Variants in NAV3 observed in about 807,000 individuals in gnomAD.
NAV3 encodes the protein pore membrane and/or filament interacting like protein 1.
A neutral mutation model predicts 244.7 loss-of-function variants in NAV3; 87 were observed. The observed-to-expected ratio is 0.36, with a 90% CI of 0.30 to 0.42. NAV3 has a LOEUF of 0.42. NAV3 is among the 20% of genes least tolerant of loss of function. The pLI, the probability that NAV3 is intolerant of heterozygous loss-of-function variation, is 1.00. For synonymous variants in NAV3, 1,126 were observed against 1,042.2 expected, an observed-to-expected ratio of 1.08 and a Z score of -1.55; for missense variants, 2,663 against 2,893.3, an observed-to-expected ratio of 0.92 and a Z score of 1.83.
At chr12:78,169,617 TA>T (rs1366913114) in intron 24 of NAV3, among the ~76,000 whole-genome samples, 1 of 151,712 alleles carries the variant, frequency 6.6e-6, no homozygotes, top group Non-Finnish European at 1.5e-5. Context: ...AATGCCTTAT[TA>T]TCTCTCTTTT....
intron 2 of NAV3, among the ~76,000 whole-genome samples, chr12:77,602,210 G>A (rs1870465979): frequency 6.6e-6 from 1 of 151,880 alleles, no homozygotes; most frequent in South Asian, 2.1e-4. Flanking sequence ...GGGAATTATA[G>A]TCTCCAGTCT....
Position 78,115,092 on chromosome 12 carries a change from G to A in NAV3, c.2637-1680G>A, listed in dbSNP as rs572044096. Among the ~76,000 whole-genome samples, 28 of 152,226 alleles carry A rather than the reference G, an allele frequency of 1.8e-4. No individual in the cohort carries two copies. The South Asian group carries it at 5.4e-3, about 29-fold the overall frequency. On this transcript the variant is annotated intron_variant, in intron 12 of 39. Coordinates refer to ENST00000397909, the MANE Select transcript of NAV3 (RefSeq NM_001024383.2). ...GTACATATATGATGTAGCTCTTAAA[G>A]TACATATAGAAGAGCAGATAAAGTA...
chr12:78,171,556 G>T (rs569266258), intron 24 of NAV3, among the ~76,000 whole-genome samples: 1 of 151,330 alleles, frequency 6.6e-6, no homozygotes, highest in African/African-American at 2.4e-5. Flanking sequence ...TGGTTATAAA[G>T]GTTTGAATAT....
At chr12:77,832,732 T>C (rs1272351085) in intron 1 of NAV3, among the ~76,000 whole-genome samples, 2 of 152,132 alleles carry the variant, frequency 1.3e-5, no homozygotes, top group Admixed American at 1.3e-4. Context: ...ATTCATTCTA[T>C]CTAAATGTAT....
chr12:78,128,923 G>T, intron 18 of NAV3, 57 bp downstream of exon 18: 1 of 1,519,720 alleles, frequency 6.6e-7, no homozygotes. Context: ...CACTCTCACA[G>T]AAACCCTGGA....
At chr12:77,733,966 G>A (rs1877230583) in intron 2 of NAV3, among the ~76,000 whole-genome samples, 1 of 150,926 alleles carries the variant, frequency 6.6e-6, no homozygotes, top group Non-Finnish European at 1.5e-5. Flanking sequence ...AGGAGACAAA[G>A]CAAGGAAAGG....
chr12:78,010,359 T>C (rs973561576), intron 8 of NAV3, among the ~76,000 whole-genome samples: 1 of 152,206 alleles, frequency 6.6e-6, no homozygotes, highest in Non-Finnish European at 1.5e-5. Context: ...TTTGATGAGA[T>C]AAGACTAATA....
intron 2 of NAV3, among the ~76,000 whole-genome samples, chr12:77,685,506 C>CACACACACACACACAT (rs34407806): frequency 5.3e-4 from 80 of 150,722 alleles, no homozygotes; most frequent in East Asian, 2.7e-3. Flanking sequence ...CACACACACA[C>CACACACACACACACAT]ATACCCACAC....
intron 5 of NAV3, among the ~76,000 whole-genome samples, chr12:77,972,422 G>T (rs1049323490): frequency 6.6e-6 from 1 of 152,184 alleles, no homozygotes; most frequent in East Asian, 1.9e-4. Context: ...AAATATATTT[G>T]ATATGAAAAT....
At chr12:77,697,429 C>T (rs111541478) in intron 2 of NAV3, among the ~76,000 whole-genome samples, 10 of 152,176 alleles carry the variant, frequency 6.6e-5, no homozygotes, top group African/African-American at 2.4e-4. Flanking sequence ...TGAGCTATAA[C>T]CATAAGCAAG....
upstream of NAV3, among the ~76,000 whole-genome samples, chr12:77,830,211 G>C (rs1277674929): frequency 6.6e-6 from 1 of 152,142 alleles, no homozygotes; most frequent in Admixed American, 6.5e-5. Flanking sequence ...TATCTGTTTG[G>C]ACAGTTTTTA....
rs1257181705 is a variant in NAV3, at chr12:78,056,958, A to C, written c.2517-2038A>C. 3.3e-5 allele frequency among the ~76,000 whole-genome samples: 5 copies of C among 152,252 alleles called. No individual in the cohort carries two copies. The East Asian group carries it at 9.7e-4, about 29-fold the overall frequency. ...TTTTTTTCCATGTACTCTAGGTGTA[A>C]CTCAGAAAGTTAGTTAATCAGCATT... On this transcript the variant is annotated intron_variant, in intron 11 of 39. Transcript: ENST00000397909.
At chr12:77,611,191 T>A (rs891342586) in intron 2 of NAV3, among the ~76,000 whole-genome samples, 1 of 151,998 alleles carries the variant, frequency 6.6e-6, no homozygotes, top group African/African-American at 2.4e-5. Context: ...TAGGGCACTC[T>A]GTAAGTCAGT....
In NAV3 at chr12:77,966,265, G is replaced by A; in HGVS notation, c.451G>A (p.Ala151Thr). The A allele has an allele frequency of 1.2e-6, 2 of 1,613,662 alleles. No individual in the cohort carries two copies. Among genetic ancestry groups the A allele is most frequent in the Non-Finnish European group, 1.7e-6 (2 of 1,179,798 alleles). The change falls in exon 4 of 40, where the codon GCC (alanine) becomes ACC (threonine). Residue 151 changes from alanine (A) to threonine (T), a missense_variant. Ala to Thr is a moderately conservative substitution (Grantham distance 58). Around this residue, in one of 6 missense-constraint regions of NAV3, gnomAD observed 1,521 missense variants for 1,497.0 expected, o/e 1.02. Transcript: ENST00000397909. ...NVDVCLSFLA[A>T]RGVNVQGLSA... ...TGATGTCTGCCTTAGTTTTCTAGCA[G>A]CCAGAGGGGTAAATGTTCAAGGTCT...
chr12:78,166,161 C>T (rs1050634669), intron 23 of NAV3, among the ~76,000 whole-genome samples: 2 of 151,800 alleles, frequency 1.3e-5, no homozygotes, highest in Non-Finnish European at 2.9e-5. Context: ...AGCACATTTT[C>T]ACTTTTTTTC....
chr12:77,752,427 A>T (rs1868906531), intron 2 of NAV3, among the ~76,000 whole-genome samples: 1 of 152,170 alleles, frequency 6.6e-6, no homozygotes, highest in Admixed American at 6.6e-5. Flanking sequence ...ATTAACAAAT[A>T]AAAGTAGCCG....
At chr12:78,037,616 G>A (rs887740779) in intron 9 of NAV3, among the ~76,000 whole-genome samples, 2 of 151,840 alleles carry the variant, frequency 1.3e-5, no homozygotes, top group African/African-American at 2.4e-5. Context: ...AATAAATTCC[G>A]GAAATCTGCC....
intron 11 of NAV3, among the ~76,000 whole-genome samples, chr12:78,055,073 G>A (rs79077846): frequency 0.015 from 2,286 of 152,112 alleles, 57 homozygotes; most frequent in African/African-American, 0.052. Context: ...AATATTTATC[G>A]AGTTCATCCT....
At chr12:78,210,071 G>C (rs1045470989) in intron 39 of NAV3, among the ~76,000 whole-genome samples, 9 of 152,180 alleles carry the variant, frequency 5.9e-5, no homozygotes, top group Non-Finnish European at 1.2e-4. Flanking sequence ...AAGCTGGGAA[G>C]CTTGGCGTAC....
Sources: gnomAD v4.1 joint callset for allele counts (sites outside exome capture counted in the v4.1 genomes callset) on GRCh38, gnomAD v4.1.1 for gene constraint, gnomAD v4.1.1 regional missense constraint, MANE v1.5 for transcripts, NCBI Gene and HGNC (gene_info 2026-07-23, HGNC 2026-07-21) for gene names.